Variants in UTRN observed in about 807,000 individuals in gnomAD.
UTRN encodes utrophin.
UTRN carries 283 observed loss-of-function variants against 463.9 expected under a neutral mutation model. The observed-to-expected ratio is 0.61, with a 90% CI of 0.55 to 0.67. The LOEUF (loss-of-function observed/expected upper bound fraction) is 0.67. Among genes scored for constraint, UTRN ranks in the 30% least tolerant of loss-of-function variants. UTRN has a pLI of 0.00. For synonymous variants in UTRN, 1,442 were observed against 1,431.5 expected (o/e 1.01, Z -0.17); for missense variants, 3,922 against 4,084.3 (o/e 0.96, Z 1.08).
At chr6:144,643,478 T>C (rs1415920940) in intron 51 of UTRN, among the ~76,000 whole-genome samples, 2 of 152,228 alleles carry the variant, frequency 1.3e-5, no homozygotes, top group African/African-American at 4.8e-5. Flanking sequence ...ATTTATTTTG[T>C]AAATAGTTTT....
chr6:144,304,381 T>C (rs142008832), intron 2 of UTRN, among the ~76,000 whole-genome samples: 34 of 152,302 alleles, frequency 2.2e-4, no homozygotes, highest in African/African-American at 7.5e-4. Flanking sequence ...GGCTTGTGGA[T>C]TGGCGCATGG....
chr6:144,542,725 T>A (rs983942923), intron 45 of UTRN, 70 bp from the exon 46 acceptor site: 1 of 1,498,592 alleles, frequency 6.7e-7, no homozygotes, highest in Non-Finnish European at 9.1e-7. Context: ...GAATAACACC[T>A]CTTCTTTTGA....
chr6:144,525,921 T>C (rs1003565683), intron 41 of UTRN, among the ~76,000 whole-genome samples: 7 of 152,190 alleles, frequency 4.6e-5, no homozygotes, highest in African/African-American at 1.7e-4. Flanking sequence ...TAAATTTCCA[T>C]CTTGATTTCA....
At position 144,473,734 on chromosome 6, in the gene UTRN, C is replaced by T. The variant is rs1790903932; in HGVS notation, c.3081C>T (p.Val1027=). The part of the protein sequence containing the change: ...TLRAFEADST[V]IEKWMDGVKD... ...TGTTCGATTAGGCCGATTCAACAGT[C>T]ATTGAGAAGTGGATGGATGGCGTGA... The change falls in exon 24 of 75, where the codon GTC becomes GTT. Residue 1027 remains valine (V), a synonymous_variant. Transcript: ENST00000367545. The T allele has an allele frequency of 6.2e-7, 1 of 1,614,046 alleles. No homozygotes were observed. The highest frequency in any genetic ancestry group is 8.5e-7 in the Non-Finnish European group (1 of 1,179,968).
At chr6:144,406,024 AAAATTATTTGT>A (rs1783362736) in intron 3 of UTRN, among the ~76,000 whole-genome samples, 2 of 152,248 alleles carry the variant, frequency 1.3e-5, no homozygotes, top group South Asian at 4.1e-4. Context: ...CATAAAAATG[AAAATTATTTGT>A]AAAGCAGTTA....
intron 3 of UTRN, among the ~76,000 whole-genome samples, chr6:144,419,979 C>G (rs1273631656): frequency 7.1e-6 from 1 of 141,380 alleles, no homozygotes; most frequent in Non-Finnish European, 1.5e-5. Flanking sequence ...CACAGACACA[C>G]ACACACACAC....
intron 66 of UTRN, 43 bp downstream of exon 66, chr6:144,821,061 T>G (rs979551085): frequency 1.3e-5 from 20 of 1,583,132 alleles, no homozygotes; most frequent in Non-Finnish European, 1.5e-5. Context: ...AACATTTATA[T>G]CTGATGTTGT....
At chr6:144,840,965 A>T (rs1586790582) in intron 73 of UTRN, 133 bp downstream of exon 73, 1 of 938,022 alleles carries the variant, frequency 1.1e-6, no homozygotes, top group East Asian at 2.7e-5. Flanking sequence ...TTATTTGAAA[A>T]TAAGGCAAAC....
In UTRN at chr6:144,835,851, A is replaced by G. The variant is rs752235559; in HGVS notation, c.9737A>G (p.Gln3246Arg). ...GGAGAGTCCCCAGTGAGCCAGCCGC[A>G]GAGCCCAGCTCAGATCCTGAAGTCA... ...LGGESPVSQP[Q>R]SPAQILKSVE... is the part of the protein sequence containing the mutation. Residue 3246 changes from glutamine to arginine, a missense_variant, in exon 70 of 75, where the codon CAG becomes CGG. By Grantham distance (43) the Gln-to-Arg change is conservative. Coordinates refer to ENST00000367545, the MANE Select transcript of UTRN (RefSeq NM_007124.3). 1.2e-6 allele frequency: 2 copies of G among 1,614,140 alleles called. No individual in the cohort carries two copies. The highest frequency in any genetic ancestry group is 2.2e-5 in the East Asian group (1 of 44,878).
intron 2 of UTRN, among the ~76,000 whole-genome samples, chr6:144,402,494 A>G (rs532668862): frequency 6.6e-6 from 1 of 152,300 alleles, no homozygotes; most frequent in Non-Finnish European, 1.5e-5. Context: ...TATGGCTCAG[A>G]AAATGAATTT....
chr6:144,824,572 T>TTATATATATATA (rs71028314), intron 66 of UTRN, among the ~76,000 whole-genome samples: 18 of 37,908 alleles, frequency 4.7e-4, no homozygotes, highest in Non-Finnish European at 6.3e-4. Context: ...AGCATTTTAT[T>TTATATATATATA]TATATATATA....
chr6:144,355,729 C>T lies in UTRN; in HGVS notation c.80-47394C>T, dbSNP rs188365953. On this transcript the variant is annotated intron_variant, in intron 2 of 74. Coordinates refer to ENST00000367545, the MANE Select transcript of UTRN (RefSeq NM_007124.3). ...CAGTTACCACTTTTTGCCACTGTTA[C>T]CCAGTTTTCCCCACTGTTAACATCT... 6.6e-3 allele frequency among the ~76,000 whole-genome samples: 999 copies of T among 152,120 alleles called. 6 individuals are homozygous for T. Among genetic ancestry groups the T allele is most frequent in the Non-Finnish European group, 8.4e-3 (574 of 67,984 alleles).
intron 47 of UTRN, among the ~76,000 whole-genome samples, chr6:144,549,567 A>G (rs1240293018): frequency 6.6e-6 from 1 of 152,228 alleles, no homozygotes; most frequent in Non-Finnish European, 1.5e-5. Flanking sequence ...CACTGAGTGC[A>G]TATGAGTTGA....
At chr6:144,656,280 G>A (rs1469498077) in intron 51 of UTRN, among the ~76,000 whole-genome samples, 1 of 152,094 alleles carries the variant, frequency 6.6e-6, no homozygotes, top group Non-Finnish European at 1.5e-5. Context: ...TACACTGGAG[G>A]CATCTATTTT....
At chr6:144,826,186 A>AAATAAATAAATAAATAAATG (rs1300918772) in intron 66 of UTRN, among the ~76,000 whole-genome samples, 1 of 151,708 alleles carries the variant, frequency 6.6e-6, no homozygotes, top group African/African-American at 2.4e-5. Context: ...ATAAATAAAT[A>AAATAAATAAATAAATAAATG]AATGCCTGGT....
intron 51 of UTRN, among the ~76,000 whole-genome samples, chr6:144,622,764 A>G (rs1775562335): frequency 6.6e-6 from 1 of 152,226 alleles, no homozygotes; most frequent in South Asian, 2.1e-4. Context: ...TTTCTCACAA[A>G]GAGGAAATTT....
chr6:144,635,138 G>GTTTTTTTT (rs149100143), intron 51 of UTRN, among the ~76,000 whole-genome samples: 2 of 103,114 alleles, frequency 1.9e-5, no homozygotes, highest in African/African-American at 3.6e-5. Context: ...TTATTTGTGT[G>GTTTTTTTT]TTTTTTTTTT....
chr6:144,300,796 C>T (rs1195675140), intron 2 of UTRN, among the ~76,000 whole-genome samples: 1 of 152,158 alleles, frequency 6.6e-6, no homozygotes, highest in Non-Finnish European at 1.5e-5. Flanking sequence ...TTTCATGAAA[C>T]AGGAGGAAGC....
At chr6:144,340,177 GAAAA>G (rs924375709) in intron 2 of UTRN, among the ~76,000 whole-genome samples, 1 of 150,832 alleles carries the variant, frequency 6.6e-6, no homozygotes, top group Non-Finnish European at 1.5e-5. Flanking sequence ...CGTCTCAAGA[GAAAA>G]AAAAAGAAGA....
Sources: allele counts gnomAD v4.1 joint callset (sites outside exome capture counted in the v4.1 genomes callset), GRCh38; gene constraint gnomAD v4.1.1; transcripts MANE v1.5; gene names NCBI Gene and HGNC (gene_info 2026-07-23, HGNC 2026-07-21).